The following LSM14A variants were observed in gnomAD, a reference collection of about 807,000 sequenced individuals.
LSM14A encodes LSM14A mRNA processing body assembly factor.
Under a neutral mutation model 52.4 loss-of-function variants are expected in LSM14A, and 14 were observed. The observed-to-expected ratio is 0.27, with a 90% CI of 0.18 to 0.42. The LOEUF (loss-of-function observed/expected upper bound fraction) is 0.42, where lower values mean the gene tolerates loss of function less well. Ranked by LOEUF, LSM14A falls within the 10% of genes least tolerant of loss-of-function variation. LSM14A has a pLI of 1.00. For synonymous variants in LSM14A, 185 were observed against 200.3 expected (o/e 0.92, Z 0.64); for missense variants, 417 against 581.8 (o/e 0.72, Z 2.91).
intron 9 of LSM14A, chr19:34,226,364 CAT>C (rs67394960): frequency 0.34 from 495,270 of 1,439,894 alleles, 90,519 homozygotes; most frequent in African/African-American, 0.39. Flanking sequence ...CTCCTGTCCC[CAT>C]CTCTTTCTCT....
intron 4 of LSM14A, among the ~76,000 whole-genome samples, chr19:34,211,473 A>G (rs1312291094): frequency 6.6e-6 from 1 of 152,158 alleles, no homozygotes; most frequent in Non-Finnish European, 1.5e-5. Context: ...AGACAGGGAC[A>G]TAAAAGTTGC....
intron 1 of LSM14A, among the ~76,000 whole-genome samples, chr19:34,181,012 G>A (rs969502805): frequency 6.6e-6 from 1 of 152,154 alleles, no homozygotes. Context: ...GAAAAGAACA[G>A]CAAACGAAAG....
chr19:34,188,111 A>G (rs2070065280), intron 1 of LSM14A, among the ~76,000 whole-genome samples: 1 of 152,020 alleles, frequency 6.6e-6, no homozygotes, highest in Admixed American at 6.6e-5. Flanking sequence ...ACATGGCGAA[A>G]TCCTATCTCT....
intron 1 of LSM14A, among the ~76,000 whole-genome samples, chr19:34,191,962 G>A (rs181091464): frequency 1.3e-5 from 2 of 152,244 alleles, no homozygotes; most frequent in East Asian, 1.9e-4. Flanking sequence ...AGGGCATTCC[G>A]CAGTCCCTGT....
intron 3 of LSM14A, among the ~76,000 whole-genome samples, chr19:34,207,695 C>G (rs4558516): frequency 1.3e-5 from 2 of 152,090 alleles, no homozygotes; most frequent in Non-Finnish European, 2.9e-5. Flanking sequence ...CCACGCCCAG[C>G]TAATTTTTGA....
intron 8 of LSM14A, among the ~76,000 whole-genome samples, chr19:34,220,985 A>G (rs2073019348): frequency 6.6e-6 from 1 of 152,036 alleles, no homozygotes; most frequent in African/African-American, 2.4e-5. Context: ...CAAGAAACTA[A>G]TGTCAGTCAT....
At chr19:34,196,314 CAT>C (rs1380483376) in intron 2 of LSM14A, among the ~76,000 whole-genome samples, 3 of 152,146 alleles carry the variant, frequency 2.0e-5, no homozygotes, top group Admixed American at 6.5e-5. Flanking sequence ...TGATTTTTCT[CAT>C]ATTTTTCTTT....
chr19:34,221,190 C>A (rs563380492), intron 8 of LSM14A, among the ~76,000 whole-genome samples: 51 of 149,456 alleles, frequency 3.4e-4, no homozygotes, highest in African/African-American at 1.3e-3. Flanking sequence ...TCAGGTGATT[C>A]TCCTGCCTCA....
At chr19:34,204,992 C>T (rs80324935) in intron 3 of LSM14A, among the ~76,000 whole-genome samples, 15,327 of 151,816 alleles carry the variant, frequency 0.1, 1,403 homozygotes, top group African/African-American at 0.22. Context: ...ATTACTCAGG[C>T]GTCTTGGCAT....
chr19:34,177,482 T>C (rs1227799126), intron 1 of LSM14A, among the ~76,000 whole-genome samples: 1 of 152,226 alleles, frequency 6.6e-6, no homozygotes, highest in African/African-American at 2.4e-5. Flanking sequence ...TATAAACTAC[T>C]CTTGAAATTT....
At chr19:34,184,754 A>G (rs529378834) in intron 1 of LSM14A, among the ~76,000 whole-genome samples, 3 of 152,268 alleles carry the variant, frequency 2.0e-5, no homozygotes, top group African/African-American at 7.2e-5. Flanking sequence ...TTATTATTAC[A>G]TTGCTTCTAT....
chr19:34,223,464 T>G (rs1231719863), intron 9 of LSM14A, among the ~76,000 whole-genome samples: 2 of 152,240 alleles, frequency 1.3e-5, no homozygotes, highest in Non-Finnish European at 2.9e-5. Context: ...TGCTGTCAGC[T>G]TAACCTTCCT....
At chr19:34,180,490 A>T (rs570091429) in intron 1 of LSM14A, among the ~76,000 whole-genome samples, 2 of 152,284 alleles carry the variant, frequency 1.3e-5, no homozygotes, top group Admixed American at 1.3e-4. Context: ...GATATAAAAG[A>T]AGTAACTAGT....
At chr19:34,203,041 A>G (rs561390717) in intron 3 of LSM14A, among the ~76,000 whole-genome samples, 28 of 152,210 alleles carry the variant, frequency 1.8e-4, no homozygotes, top group Admixed American at 3.9e-4. Flanking sequence ...ACTCTTGGAA[A>G]AATTAAACAC....
chr19:34,174,458 T>C (rs911560347), intron 1 of LSM14A, among the ~76,000 whole-genome samples: 1 of 152,256 alleles, frequency 6.6e-6, no homozygotes. Flanking sequence ...AACCAGGGAG[T>C]ACCCCCACAT....
intron 1 of LSM14A, among the ~76,000 whole-genome samples, chr19:34,176,277 T>C (rs2069084831): frequency 6.6e-6 from 1 of 152,168 alleles, no homozygotes; most frequent in South Asian, 2.1e-4. Context: ...CATTCTCTTT[T>C]GAACTTTTTT....
At chr19:34,175,366 G>T (rs1243564733) in intron 1 of LSM14A, among the ~76,000 whole-genome samples, 1 of 152,056 alleles carries the variant, frequency 6.6e-6, no homozygotes, top group Non-Finnish European at 1.5e-5. Context: ...GAGTAGCTGG[G>T]ATTACTGGCG....
intron 6 of LSM14A, among the ~76,000 whole-genome samples, chr19:34,217,229 G>A (rs551749977): frequency 1.4e-5 from 2 of 140,936 alleles, no homozygotes; most frequent in Admixed American, 1.5e-4. Context: ...CTGCACTCCA[G>A]CCTGGGCAAC....
At chr19:34,223,644 A>T (rs2073185422) in intron 9 of LSM14A, among the ~76,000 whole-genome samples, 1 of 152,366 alleles carries the variant, frequency 6.6e-6, no homozygotes, top group Non-Finnish European at 1.5e-5. Flanking sequence ...GTAACCCACC[A>T]GTTGGGCTTC....
Sources: gnomAD v4.1 joint callset for allele counts (sites outside exome capture counted in the v4.1 genomes callset) on GRCh38, gnomAD v4.1.1 for gene constraint, MANE v1.5 for transcripts, NCBI Gene and HGNC (gene_info 2026-07-23, HGNC 2026-07-21) for gene names.